The following MICAL2 variants were observed in gnomAD, a reference collection of about 807,000 sequenced individuals.
The protein encoded by MICAL2 is [F-actin]-monooxygenase MICAL2.
Under a neutral mutation model 127.3 loss-of-function variants are expected in MICAL2, and 77 were observed. The observed-to-expected ratio is 0.60, with a 90% confidence interval of 0.50 to 0.73. The LOEUF is 0.73. Among genes scored for constraint, MICAL2 ranks in the 30% least tolerant of loss-of-function variants. MICAL2 has a pLI of 0.00. For missense variants in MICAL2, 1,351 were observed against 1,434.4 expected, an observed-to-expected ratio of 0.94 and a Z score of 0.94; for synonymous variants, 570 against 551.1, an observed-to-expected ratio of 1.03 and a Z score of -0.48.
intron 25 of MICAL2, among the ~76,000 whole-genome samples, chr11:12,259,307 C>A (rs1439560765): frequency 6.6e-6 from 1 of 152,142 alleles, no homozygotes; most frequent in Non-Finnish European, 1.5e-5. Flanking sequence ...TATATTCTTC[C>A]TTTTCTTCAC....
rs1471324994 is a variant in MICAL2 at position 12,148,899 on chromosome 11, T to C, written c.-78+10439T>C. ...AGCCAGGCGTCACTGTGTTTCATCCTGAAGTCACCCAAGGGGTCAGGACTG... is the reference window on the plus strand; with the variant it reads ...AGCCAGGCGTCACTGTGTTTCATCCCGAAGTCACCCAAGGGGTCAGGACTG... On this transcript the variant is annotated intron_variant, in intron 2 of 27. Transcript: ENST00000683283. Among the ~76,000 whole-genome samples, 6 of 152,348 alleles carry C rather than the reference T, an allele frequency of 3.9e-5. No individual in the cohort carries two copies. The East Asian group carries it at 7.7e-4, about 20-fold the overall frequency.
chr11:12,200,450 C>T (rs995579203), intron 3 of MICAL2, among the ~76,000 whole-genome samples: 37 of 152,230 alleles, frequency 2.4e-4, no homozygotes, highest in Non-Finnish European at 4.0e-4. Flanking sequence ...TCTCCCACTC[C>T]TCTGCCCGGG....
At chr11:12,199,793 C>CT (rs2134090304) in intron 3 of MICAL2, among the ~76,000 whole-genome samples, 1 of 152,308 alleles carries the variant, frequency 6.6e-6, no homozygotes, top group Admixed American at 6.5e-5. Flanking sequence ...TTTGTCTCTC[C>CT]TCTGTGCTAA....
intron 26 of MICAL2, chr11:12,262,225 G>T: frequency 7.3e-7 from 1 of 1,372,604 alleles, no homozygotes; most frequent in Non-Finnish European, 9.4e-7. Flanking sequence ...GTAAAATGGG[G>T]GCAGAGAGGA....
intron 2 of MICAL2, among the ~76,000 whole-genome samples, chr11:12,158,587 G>C (rs541260308): frequency 6.6e-6 from 1 of 152,242 alleles, no homozygotes; most frequent in East Asian, 1.9e-4. Context: ...TGCAATGTAA[G>C]TATTTACATA....
At chr11:12,194,562 A>G (rs1282024924) in intron 3 of MICAL2, among the ~76,000 whole-genome samples, 2 of 152,148 alleles carry the variant, frequency 1.3e-5, no homozygotes. Flanking sequence ...CTGGCCCTAC[A>G]TTTTTTAGCT....
intron 3 of MICAL2, among the ~76,000 whole-genome samples, chr11:12,165,781 C>T (rs980602672): frequency 7.2e-5 from 11 of 152,192 alleles, no homozygotes; most frequent in Admixed American, 4.6e-4. Flanking sequence ...AGAAGAAGGA[C>T]GGGCTCTAAT....
intron 29 of MICAL2, among the ~76,000 whole-genome samples, chr11:12,304,476 C>T (rs796693456): frequency 2.2e-4 from 33 of 150,934 alleles, no homozygotes; most frequent in African/African-American, 7.8e-4. Flanking sequence ...ACTAAAAATA[C>T]AAAAAAAAAT....
Position 12,144,173 on chromosome 11 carries a change from G to A in MICAL2, c.-78+5713G>A, listed in dbSNP as rs547046903. ...TATCAACAGTCCCTATCTGCTGCCC[G>A]TGGGTTTTGTATCTTTATGAGAAAA... On this transcript the variant is annotated intron_variant, in intron 2 of 27. Transcript: ENST00000683283. Among the ~76,000 whole-genome samples the A allele has an allele frequency of 4.6e-5, 7 of 152,292 alleles. No individual in the cohort carries two copies. The East Asian group carries it at 7.7e-4, about 17-fold the overall frequency.
chr11:12,142,984 G>T (rs1852498841), intron 2 of MICAL2, among the ~76,000 whole-genome samples: 1 of 152,186 alleles, frequency 6.6e-6, no homozygotes, highest in Admixed American at 6.5e-5. Flanking sequence ...TTGGTTCTTG[G>T]GATGCAAAAG....
At chr11:12,308,267 T>C (rs1319680415) in intron 29 of MICAL2, 1 of 152,090 alleles carries the variant, frequency 6.6e-6, no homozygotes, top group Non-Finnish European at 1.5e-5. Context: ...GTTCTAGGTC[T>C]TTTGTGTTTT....
At position 12,263,752 on chromosome 11, in the gene MICAL2, G is replaced by T. The variant is rs144370929; in HGVS notation, c.*210G>T. Reference sequence around the variant, plus strand: ...TTTAGCTTTATTTATGGTATTTGATGCTGTAAATGGAAATAAATATTGTTC... The same window carrying T: ...TTTAGCTTTATTTATGGTATTTGATTCTGTAAATGGAAATAAATATTGTTC... On this transcript the variant is annotated 3_prime_UTR_variant, in exon 28 of 28. Coordinates refer to ENST00000683283, the MANE Select transcript of MICAL2 (RefSeq NM_001282663.2). 1 of 152,718 alleles carries T rather than the reference G, an allele frequency of 6.5e-6. No individual in the cohort carries two copies. Among genetic ancestry groups the T allele is most frequent in the East Asian group, 1.9e-4 (1 of 5,176 alleles). The allele number at this position is 152,718 out of a possible 1,614,324, so 9.5% of individuals were successfully genotyped here. A position where few individuals can be genotyped will look rare whatever the true frequency, so the allele number is the denominator to read the frequency against.
intron 26 of MICAL2, chr11:12,261,905 A>G: frequency 1.1e-5 from 11 of 986,338 alleles, no homozygotes; most frequent in Non-Finnish European, 1.3e-5. Context: ...TATAGAAAGT[A>G]AATTTTTGAG....
At chr11:12,224,394 C>G in intron 12 of MICAL2, 1 of 392,868 alleles carries the variant, frequency 2.5e-6, no homozygotes. Flanking sequence ...ATCTTCCCCA[C>G]TAGATGAGCA....
intron 5 of MICAL2, among the ~76,000 whole-genome samples, 157 bp from the exon 6 acceptor site, chr11:12,209,340 A>G (rs1280601395): frequency 2.0e-5 from 3 of 152,128 alleles, no homozygotes; most frequent in Admixed American, 6.5e-5. Flanking sequence ...CAGATTAGAG[A>G]GTGAATCTGG....
intron 3 of MICAL2, among the ~76,000 whole-genome samples, chr11:12,198,907 C>T (rs1225961586): frequency 1.3e-5 from 2 of 152,224 alleles, no homozygotes; most frequent in Non-Finnish European, 2.9e-5. Flanking sequence ...TCGTTCCTTG[C>T]AGAGCCCCTG....
intron 29 of MICAL2, among the ~76,000 whole-genome samples, chr11:12,315,207 TGTCA>T (rs969489168): frequency 3.9e-5 from 6 of 152,220 alleles, no homozygotes; most frequent in Non-Finnish European, 5.9e-5. Flanking sequence ...CAAAGTCAAT[TGTCA>T]GTCTTATTTT....
intron 3 of MICAL2, among the ~76,000 whole-genome samples, chr11:12,188,131 G>A (rs570175254): frequency 3.9e-5 from 6 of 152,228 alleles, no homozygotes; most frequent in South Asian, 4.1e-4. Flanking sequence ...ATTGAGCTGC[G>A]CTGTACATAT....
chr11:12,204,182 C>A, intron 3 of MICAL2, 68 bp from the exon 4 acceptor site: 1 of 1,478,932 alleles, frequency 6.8e-7, no homozygotes, highest in Non-Finnish European at 9.4e-7. Context: ...AGTTTTCCTG[C>A]TGACTGGGGG....
Sources: allele counts gnomAD v4.1 joint callset (sites outside exome capture counted in the v4.1 genomes callset), GRCh38; gene constraint gnomAD v4.1.1; transcripts MANE v1.5; gene names NCBI Gene and HGNC (gene_info 2026-07-23, HGNC 2026-07-21).